EIF4E3: variants seen among roughly 807,000 people sequenced by gnomAD.
EIF4E3 encodes the protein eukaryotic translation initiation factor 4E type 3.
EIF4E3 carries 26 observed loss-of-function variants against 31.7 expected under a neutral mutation model. The observed-to-expected ratio is 0.82, with a 90% CI of 0.60 to 1.14. The LOEUF (loss-of-function observed/expected upper bound fraction) is 1.14, where lower values mean the gene tolerates loss of function less well. EIF4E3 is among the 50% of genes most tolerant of loss of function. The probability of loss-of-function intolerance (pLI) is 0.00; values close to 1 mark genes in which losing one functional copy is unlikely to be tolerated. For missense variants in EIF4E3, 304 were observed against 270.9 expected, an observed-to-expected ratio of 1.12 and a Z score of -0.86; for synonymous variants, 128 against 107.7, an observed-to-expected ratio of 1.19 and a Z score of -1.17.
chr3:71,729,191 C>T (rs2049675629), upstream of EIF4E3: 1 of 152,244 alleles, frequency 6.6e-6, no homozygotes, highest in Non-Finnish European at 1.5e-5. Flanking sequence ...GGTCCTCTCT[C>T]TTCTACTCAC....
chr3:71,707,007 T>C (rs1330251769), intron 2 of EIF4E3, among the ~76,000 whole-genome samples: 1 of 152,238 alleles, frequency 6.6e-6, no homozygotes, highest in Non-Finnish European at 1.5e-5. Flanking sequence ...TAAATATCTT[T>C]ACATACACCT....
intron 2 of EIF4E3, among the ~76,000 whole-genome samples, 167 bp from the exon 3 acceptor site, chr3:71,699,875 T>C (rs1220209596): frequency 2.0e-5 from 3 of 152,164 alleles, no homozygotes; most frequent in Non-Finnish European, 4.4e-5. Context: ...GAAAATGTAA[T>C]ATAACATTAA....
intron 1 of EIF4E3, among the ~76,000 whole-genome samples, chr3:71,713,450 T>C (rs183025065): frequency 2.0e-5 from 3 of 152,186 alleles, no homozygotes; most frequent in African/African-American, 7.2e-5. Context: ...TGTTTGTTTG[T>C]TTTTGGGAAA....
At position 71,696,599 on chromosome 3, in the gene EIF4E3, A is replaced by G. The variant is rs568500933; in HGVS notation, c.345-79T>C. On this transcript the variant is annotated intron_variant, in intron 3 of 6. Transcript: ENST00000425534. ...ACAGTTAGATTAAATATCTCTTCAT[A>G]CATTTAGTTTAACAACAGATGACCT... 17 of 1,527,888 alleles carry G rather than the reference A, an allele frequency of 1.1e-5. No individual in the cohort carries two copies. The African/African-American group carries it at 1.8e-4, about 16-fold the overall frequency. The allele number at this position is 1,527,888 out of a possible 1,614,324, so 94.6% of individuals were successfully genotyped here. A position where few individuals can be genotyped will look rare whatever the true frequency, so the allele number is the denominator to read the frequency against.
At chr3:71,691,285 T>C (rs17664166) in intron 5 of EIF4E3, among the ~76,000 whole-genome samples, 9,862 of 152,312 alleles carry the variant, frequency 0.065, 466 homozygotes, top group Non-Finnish European at 0.096. Flanking sequence ...CCAATTGTCT[T>C]CTGGAAGTTA....
At chr3:71,700,316 C>T (rs2049197744) in intron 2 of EIF4E3, among the ~76,000 whole-genome samples, 1 of 152,132 alleles carries the variant, frequency 6.6e-6, no homozygotes. Context: ...CTGGAAAGGA[C>T]TTTGCTAATG....
upstream of EIF4E3, among the ~76,000 whole-genome samples, chr3:71,729,739 G>T (rs1198502631): frequency 6.6e-6 from 1 of 151,230 alleles, no homozygotes; most frequent in Non-Finnish European, 1.5e-5. Flanking sequence ...AGCTCTCCAG[G>T]TTCATTAGCA....
intron 1 of EIF4E3, among the ~76,000 whole-genome samples, chr3:71,716,434 C>T (rs1019413404): frequency 6.6e-6 from 1 of 152,118 alleles, no homozygotes; most frequent in Admixed American, 6.5e-5. Context: ...GGGGTTTCAC[C>T]GTGTTAGCCA....
upstream of EIF4E3, chr3:71,753,665 G>GGCGGCAGCGGCGGCA (rs1445157834): frequency 7.0e-6 from 1 of 142,624 alleles, no homozygotes; most frequent in African/African-American, 2.8e-5. Flanking sequence ...CGGCGGCGGC[G>GGCGGCAGCGGCGGCA]GCGGCAGCGG....
intron 1 of EIF4E3, among the ~76,000 whole-genome samples, chr3:71,744,313 G>C (rs2049849890): frequency 6.6e-6 from 1 of 152,108 alleles, no homozygotes; most frequent in Non-Finnish European, 1.5e-5. Context: ...AAGATAGGTA[G>C]ATGGCAAATA....
At chr3:71,737,614 A>G (rs753514180) in intron 1 of EIF4E3, among the ~76,000 whole-genome samples, 3 of 152,142 alleles carry the variant, frequency 2.0e-5, no homozygotes, top group Non-Finnish European at 2.9e-5. Flanking sequence ...AAAAAGACAC[A>G]TTTTATACAG....
At chr3:71,708,779 A>G (rs528612877) in intron 2 of EIF4E3, among the ~76,000 whole-genome samples, 4 of 152,288 alleles carry the variant, frequency 2.6e-5, no homozygotes, top group African/African-American at 9.6e-5. Flanking sequence ...TGGTAACAGA[A>G]GTCCCTAAAT....
chr3:71,710,954 C>T (rs2049370166), intron 1 of EIF4E3, among the ~76,000 whole-genome samples: 1 of 152,140 alleles, frequency 6.6e-6, no homozygotes, highest in Admixed American at 6.5e-5. Context: ...GACCATTTGC[C>T]TACTTTAAAA....
chr3:71,705,910 G>C (rs2049287225), intron 2 of EIF4E3, among the ~76,000 whole-genome samples: 1 of 152,288 alleles, frequency 6.6e-6, no homozygotes, highest in African/African-American at 2.4e-5. Flanking sequence ...TCACAGGCAT[G>C]AGCCAATGCA....
At chr3:71,671,040 T>G (rs2048844799), downstream of EIF4E3, among the ~76,000 whole-genome samples, 1 of 152,090 alleles carries the variant, frequency 6.6e-6, no homozygotes, top group African/African-American at 2.4e-5. Context: ...TGTTGCTCCT[T>G]CAACTCATCT....
At chr3:71,715,603 T>G (rs1346521678) in intron 1 of EIF4E3, among the ~76,000 whole-genome samples, 1 of 152,174 alleles carries the variant, frequency 6.6e-6, no homozygotes. Context: ...ATCAGGACCC[T>G]GGTTCGGAAT....
At chr3:71,670,400 C>T in the EIF4E3 span, among the ~76,000 whole-genome samples, 1 of 152,142 alleles carries the variant, frequency 6.6e-6, no homozygotes, top group South Asian at 2.1e-4. Flanking sequence ...CTTCCTAAAT[C>T]TCCTCCATTG....
chr3:71,673,043 C>A (rs572103771), downstream of EIF4E3, among the ~76,000 whole-genome samples: 1 of 152,144 alleles, frequency 6.6e-6, no homozygotes, highest in Non-Finnish European at 1.5e-5. Context: ...AATGAATAAT[C>A]GGAAGGGGTC....
At chr3:71,746,573 T>C (rs1466935663) in intron 1 of EIF4E3, among the ~76,000 whole-genome samples, 2 of 152,170 alleles carry the variant, frequency 1.3e-5, no homozygotes, top group East Asian at 1.9e-4. Context: ...CAGAAAGCCA[T>C]AACTAGGAGT....
Sources: allele counts gnomAD v4.1 joint callset (sites outside exome capture counted in the v4.1 genomes callset), GRCh38; gene constraint gnomAD v4.1.1; transcripts MANE v1.5; gene names NCBI Gene and HGNC (gene_info 2026-07-23, HGNC 2026-07-21).